The following TMEM127 variants were observed in gnomAD, a reference collection of about 807,000 sequenced individuals.
TMEM127 encodes transmembrane protein 127.
TMEM127 carries 21 observed loss-of-function variants against 20.1 expected under a neutral mutation model. That is an observed-to-expected ratio of 1.04 (90% CI 0.74 to 1.50). The LOEUF (loss-of-function observed/expected upper bound fraction) is 1.50, where lower values mean the gene tolerates loss of function less well. Among genes scored for constraint, TMEM127 ranks in the 40% most tolerant of loss-of-function variants. The pLI, the probability that TMEM127 is intolerant of heterozygous loss-of-function variation, is 0.00. For missense variants in TMEM127, 303 were observed against 317.4 expected, an observed-to-expected ratio of 0.95 and a Z score of 0.34; for synonymous variants, 150 against 144.7, an observed-to-expected ratio of 1.04 and a Z score of -0.26.
chr2:96,262,840 G>A (rs2104302689), intron 2 of TMEM127, among the ~76,000 whole-genome samples: 1 of 151,932 alleles, frequency 6.6e-6, no homozygotes, highest in African/African-American at 2.4e-5. Flanking sequence ...CACTAGGCCT[G>A]GCTAATTTTT....
At chr2:96,264,287 ACATCTGGAATGCATCACAGC>A (rs1030027864) in intron 2 of TMEM127, among the ~76,000 whole-genome samples, 1 of 152,216 alleles carries the variant, frequency 6.6e-6, no homozygotes, top group Non-Finnish European at 1.5e-5. Flanking sequence ...GGTGCAGTAA[ACATCTGGAATGCATCACAGC>A]CAGGGAATAG....
At position 96,249,368 on chromosome 2, in the gene TMEM127, T is replaced by C. The variant is rs1684041594; in HGVS notation, c.*4440A>G. Reference sequence around the variant, plus strand: ...ACCTCGGCCTCCCAAAGTGCTGGGATAATAGGCGTGAGCCACCGCACCCGG... The same window carrying C: ...ACCTCGGCCTCCCAAAGTGCTGGGACAATAGGCGTGAGCCACCGCACCCGG... On this transcript the variant is annotated 3_prime_UTR_variant, in exon 4 of 4. Coordinates refer to ENST00000258439, the MANE Select transcript of TMEM127 (RefSeq NM_017849.4). 1 of 214,640 alleles carries C rather than the reference T, an allele frequency of 4.7e-6. No homozygotes were observed. The allele number at this position is 214,640 out of a possible 1,614,324, so 13.3% of individuals were successfully genotyped here.
At chr2:96,263,050 T>C (rs1004679564) in intron 2 of TMEM127, among the ~76,000 whole-genome samples, 1 of 145,956 alleles carries the variant, frequency 6.9e-6, no homozygotes, top group Non-Finnish European at 1.5e-5. Flanking sequence ...AGAATTTACT[T>C]TTTTTTTTTT....
chr2:96,255,848 C>T (rs560513189), intron 2 of TMEM127, among the ~76,000 whole-genome samples: 6 of 152,098 alleles, frequency 3.9e-5, no homozygotes, highest in East Asian at 1.9e-4. Context: ...GGCATGGTGG[C>T]GCATGCCTAT....
intron 2 of TMEM127, among the ~76,000 whole-genome samples, chr2:96,261,678 A>G (rs1275764911): frequency 6.6e-6 from 1 of 152,188 alleles, no homozygotes; most frequent in Non-Finnish European, 1.5e-5. Context: ...GGAGCTCACT[A>G]AGGTGTTGCA....
intron 2 of TMEM127, among the ~76,000 whole-genome samples, chr2:96,261,343 A>G (rs1341714999): frequency 6.6e-6 from 1 of 151,608 alleles, no homozygotes; most frequent in African/African-American, 2.4e-5. Context: ...AGGCACGACG[A>G]TAGTTCACTG....
intron 2 of TMEM127, among the ~76,000 whole-genome samples, chr2:96,260,341 C>G (rs1318204388): frequency 6.6e-6 from 1 of 152,234 alleles, no homozygotes; most frequent in Non-Finnish European, 1.5e-5. Context: ...CAAGCACCTG[C>G]TCCCATGAGG....
In TMEM127 at chr2:96,253,123, G is replaced by A. The variant is rs899711501; in HGVS notation, c.*685C>T. On this transcript the variant is annotated 3_prime_UTR_variant, in exon 4 of 4. Coordinates refer to ENST00000258439, the MANE Select transcript of TMEM127 (RefSeq NM_017849.4). The surrounding 1 kb of genome is among the most constrained non-coding windows in gnomAD (Gnocchi z 4.3). ...TGTAGTCCCCTTCACTCTGGTCCTT[G>A]ATAGGCACCAGGGGGCCTCAGTCTC... is the stretch of plus-strand genomic sequence containing the variant. The A allele has an allele frequency of 3.9e-5, 9 of 233,114 alleles. No homozygotes were observed. The Admixed American group carries it at 4.5e-4, about 12-fold the overall frequency. 14.4% of individuals were successfully genotyped at this position (233,114 alleles called of 1,614,324 possible).
At chr2:96,258,826 G>A (rs1684259503) in intron 2 of TMEM127, among the ~76,000 whole-genome samples, 1 of 152,152 alleles carries the variant, frequency 6.6e-6, no homozygotes, top group Non-Finnish European at 1.5e-5. Flanking sequence ...TGTTCTTATA[G>A]TGCTTCCAAG....
At chr2:96,265,834 A>G (rs1017109727) in intron 1 of TMEM127, 35 bp downstream of exon 1, 2 of 178,662 alleles carry the variant, frequency 1.1e-5, no homozygotes, top group African/African-American at 2.4e-5. Flanking sequence ...CTGTGCGCAG[A>G]AAAGACCCTC....
rs756818796 is a variant in TMEM127, at chr2:96,253,906, C to T, written c.619G>A (p.Ala207Thr). 1.6e-5 allele frequency: 26 copies of T among 1,613,856 alleles called. No individual in the cohort carries two copies. Among genetic ancestry groups the T allele is most frequent in the Non-Finnish European group, 2.2e-5 (26 of 1,179,854 alleles). The change falls in exon 4 of 4, where the codon GCG becomes ACG. Residue 207 changes from alanine to threonine, a missense_variant. Coordinates refer to ENST00000258439, the MANE Select transcript of TMEM127 (RefSeq NM_017849.4). This position sits in a 1 kb window ranked among gnomAD's most constrained non-coding sequence, Gnocchi z 4.3. ...TCCATCTCTGAGAGCAGCTCCAGCG[C>T]CTGCTCCTCTTCCTCTGTGGGGTAG... ...RHYPTEEEEQ[A>T]LELLSEMEEN...
At chr2:96,260,348 G>A (rs1221181580) in intron 2 of TMEM127, 1 of 152,242 alleles carries the variant, frequency 6.6e-6, no homozygotes, top group African/African-American at 2.4e-5. Context: ...CTGCTCCCAT[G>A]AGGGGATTGC....
chr2:96,265,589 G>T, intron 1 of TMEM127, 77 bp from the exon 2 acceptor site: 1 of 551,622 alleles, frequency 1.8e-6, no homozygotes, highest in Non-Finnish European at 2.7e-6. Flanking sequence ...GGGAATTCGG[G>T]GGGCGGAGAC....
chr2:96,257,810 G>A (rs1374346924), intron 2 of TMEM127, among the ~76,000 whole-genome samples: 1 of 151,888 alleles, frequency 6.6e-6, no homozygotes, highest in Non-Finnish European at 1.5e-5. Flanking sequence ...AGCTACTCAG[G>A]AGGCTGAGAC....
Position 96,250,939 on chromosome 2 carries a change from G to GA in TMEM127, c.*2868dup, listed in dbSNP as rs1209930971. On this transcript the variant is annotated 3_prime_UTR_variant, in exon 4 of 4. Coordinates refer to ENST00000258439, the MANE Select transcript of TMEM127 (RefSeq NM_017849.4). ...TTAAATAAAATTTAAACAATAGAGG[G>GA]AAAAAAAGTGTAGTTTGTTCTGCAA... The GA allele has an allele frequency of 6.1e-5, 14 of 228,490 alleles. No individual in the cohort carries two copies. Among genetic ancestry groups the GA allele is most frequent in the Non-Finnish European group, 1.2e-4 (14 of 115,230 alleles). 14.2% of individuals were successfully genotyped at this position (228,490 alleles called of 1,614,324 possible).
rs1684137486 is a variant in TMEM127 at position 96,253,674 on chromosome 2, C to T, written c.*134G>A. On this transcript the variant is annotated 3_prime_UTR_variant, in exon 4 of 4. Coordinates refer to ENST00000258439, the MANE Select transcript of TMEM127 (RefSeq NM_017849.4). This position sits in a 1 kb window ranked among gnomAD's most constrained non-coding sequence, Gnocchi z 4.3. ...TTGGATGACCCTAAAGGCAGAGTCT[C>T]TCCTGGGGAAGGTTTGGAGAAGATG... The T allele has an allele frequency of 5.0e-6, 5 of 997,408 alleles. No homozygotes were observed. The highest frequency in any genetic ancestry group is 1.7e-5 in the South Asian group (1 of 58,466). The allele number at this position is 997,408 out of a possible 1,614,324, so 61.8% of individuals were successfully genotyped here. A position where few individuals can be genotyped will look rare whatever the true frequency, so the allele number is the denominator to read the frequency against.
At position 96,254,917 on chromosome 2, in the gene TMEM127, A is replaced by G. The variant is rs761032675; in HGVS notation, c.325T>C (p.Ser109Pro). 1.9e-6 allele frequency: 3 copies of G among 1,614,102 alleles called. No homozygotes were observed. The highest frequency in any genetic ancestry group is 1.7e-5 in the Admixed American group (1 of 60,012). ...CCAAAGACATCCAGAAGGAAAGCGG[A>G]GAGACTACACAGGATGCCCAGGAAA... ...FCFLGILCSL[S>P]AFLLDVFGPK... Residue 109 changes from serine to proline, a missense_variant, in exon 3 of 4, where the codon TCC becomes CCC. Transcript: ENST00000258439.
intron 2 of TMEM127, 51 bp downstream of exon 2, chr2:96,265,087 C>T (rs781010480): frequency 6.2e-7 from 1 of 1,607,924 alleles, no homozygotes; most frequent in Non-Finnish European, 8.5e-7. Flanking sequence ...TCAGCCAGAA[C>T]ACATTCTGTC....
At chr2:96,255,738 G>A (rs925843428) in intron 2 of TMEM127, among the ~76,000 whole-genome samples, 5 of 152,104 alleles carry the variant, frequency 3.3e-5, no homozygotes, top group African/African-American at 1.2e-4. Context: ...AATACTTTGG[G>A]TGGCTGAGGC....
Sources: allele counts gnomAD v4.1 joint callset (sites outside exome capture counted in the v4.1 genomes callset), GRCh38; gene constraint gnomAD v4.1.1; non-coding constraint Gnocchi (gnomAD v3.1); transcripts MANE v1.5; gene names NCBI Gene and HGNC (gene_info 2026-07-23, HGNC 2026-07-21).